Variants in MAPK14 observed in about 807,000 individuals in gnomAD.
MAPK14 encodes the protein mitogen-activated protein kinase 14.
Under a neutral mutation model 49.6 loss-of-function variants are expected in MAPK14, and 16 were observed. That is an observed-to-expected ratio of 0.32 (90% confidence interval 0.22 to 0.49). The LOEUF (loss-of-function observed/expected upper bound fraction) is 0.49, where lower values mean the gene tolerates loss of function less well. MAPK14 is among the 20% of genes least tolerant of loss of function. The probability of loss-of-function intolerance (pLI) is 0.99; values close to 1 mark genes in which losing one functional copy is unlikely to be tolerated. For missense variants in MAPK14, 200 were observed against 441.2 expected, an observed-to-expected ratio of 0.45 and a Z score of 4.90; for synonymous variants, 142 against 158.0, an observed-to-expected ratio of 0.90 and a Z score of 0.76.
intron 7 of MAPK14, 39 bp from the exon 8 acceptor site, chr6:36,076,498 G>A: frequency 7.1e-7 from 1 of 1,414,086 alleles, no homozygotes; most frequent in Non-Finnish European, 1.0e-6. Flanking sequence ...TTGTAACAGT[G>A]ACATTGCATA....
In MAPK14 at chr6:36,092,733, A is replaced by G. The variant is rs73409866; in HGVS notation, c.683-3254A>G. 603 of 282,060 alleles carry G rather than the reference A, an allele frequency of 2.1e-3. 4 individuals carry two copies. The highest frequency in any genetic ancestry group is 0.012 in the African/African-American group (548 of 44,348). 17.5% of individuals were successfully genotyped at this position (282,060 alleles called of 1,614,324 possible). On this transcript the variant is annotated intron_variant, in intron 8 of 11. Transcript: ENST00000229794. Reference sequence around the variant, plus strand: ...ACAAAGGGAAGAGGACAAAAGAACTACTGGAGGCAGCAGTGTCAGCATACG... The same window carrying G: ...ACAAAGGGAAGAGGACAAAAGAACTGCTGGAGGCAGCAGTGTCAGCATACG...
intron 8 of MAPK14, chr6:36,092,729 A>G: frequency 6.9e-6 from 2 of 287,996 alleles, no homozygotes; most frequent in East Asian, 9.9e-5. Context: ...AGGACAAAAG[A>G]ACTACTGGAG....
chr6:36,072,833 G>T, intron 3 of MAPK14, 40 bp from the exon 4 acceptor site: 1 of 1,082,938 alleles, frequency 9.2e-7, no homozygotes, highest in Non-Finnish European at 1.4e-6. Context: ...AACTTTCTTA[G>T]GGGTTCTAGA....
At chr6:36,033,341 G>T (rs757512677) in intron 1 of MAPK14, among the ~76,000 whole-genome samples, 12 of 150,890 alleles carry the variant, frequency 8.0e-5, no homozygotes, top group Non-Finnish European at 1.6e-4. Flanking sequence ...TTTTGAGACG[G>T]AGTCTTGCTG....
At chr6:36,119,664 T>A in the MAPK14 span, among the ~76,000 whole-genome samples, 2 of 152,164 alleles carry the variant, frequency 1.3e-5, no homozygotes, top group East Asian at 3.8e-4. Flanking sequence ...CAATAGGCAA[T>A]GTCTGGAGAC....
chr6:36,066,754 GTGTGTA>G (rs887898340), intron 3 of MAPK14, among the ~76,000 whole-genome samples: 3 of 151,900 alleles, frequency 2.0e-5, no homozygotes, highest in African/African-American at 7.3e-5. Context: ...GTGTGTGTGT[GTGTGTA>G]TGTGTGTATG....
In MAPK14 at chr6:36,028,796, T is replaced by A. The variant is rs1281482044; in HGVS notation, c.116+523T>A. 6.9e-6 allele frequency among the ~76,000 whole-genome samples: 1 copy of A among 144,906 alleles called. No homozygotes were observed. Among genetic ancestry groups the A allele is most frequent in the Admixed American group, 6.7e-5 (1 of 14,866 alleles). Reference sequence around the variant, plus strand: ...GAAGGGAGCTCTCTCCGGGCCTTTTTTTTTTTTTTTTTTTTTCAAAACTCT... The same window carrying A: ...GAAGGGAGCTCTCTCCGGGCCTTTTATTTTTTTTTTTTTTTTCAAAACTCT... On this transcript the variant is annotated intron_variant, in intron 1 of 11. Transcript: ENST00000229794. This position sits in a 1 kb window ranked among gnomAD's most constrained non-coding sequence, Gnocchi z 5.1.
At chr6:36,044,890 T>C (rs552901070) in intron 1 of MAPK14, among the ~76,000 whole-genome samples, 13 of 152,242 alleles carry the variant, frequency 8.5e-5, no homozygotes, top group African/African-American at 2.4e-4. Flanking sequence ...CCTGTACTTA[T>C]TGGGAGTCCA....
intron 1 of MAPK14, among the ~76,000 whole-genome samples, chr6:36,041,458 A>G (rs1468203897): frequency 6.6e-6 from 1 of 152,086 alleles, no homozygotes; most frequent in African/African-American, 2.4e-5. Flanking sequence ...GTACTTTCAA[A>G]CCTAATCTCA....
chr6:36,044,358 T>G (rs1196826789), intron 1 of MAPK14, among the ~76,000 whole-genome samples: 3 of 152,214 alleles, frequency 2.0e-5, no homozygotes, highest in African/African-American at 7.2e-5. Context: ...AAAACACAGA[T>G]TGTTTTTTGA....
At chr6:36,052,867 G>A (rs749343313) in intron 2 of MAPK14, 39 bp downstream of exon 2, 1 of 1,564,596 alleles carries the variant, frequency 6.4e-7, no homozygotes, top group Admixed American at 1.8e-5. Flanking sequence ...TTTTGATCTT[G>A]AATAGACTGG....
intron 1 of MAPK14, among the ~76,000 whole-genome samples, chr6:36,037,027 C>T (rs1050027787): frequency 8.5e-5 from 13 of 152,158 alleles, no homozygotes; most frequent in African/African-American, 2.7e-4. Context: ...TAGGTATGAG[C>T]CACTGTGCCC....
chr6:36,069,366 T>C (rs970860662), intron 3 of MAPK14, among the ~76,000 whole-genome samples: 1 of 152,210 alleles, frequency 6.6e-6, no homozygotes, highest in African/African-American at 2.4e-5. Context: ...TCCCCTGTTG[T>C]AAGACTTATT....
chr6:36,101,158 G>A (rs767126562), intron 9 of MAPK14, among the ~76,000 whole-genome samples: 18 of 152,186 alleles, frequency 1.2e-4, no homozygotes, highest in Non-Finnish European at 2.4e-4. Flanking sequence ...AGAAGCGGAA[G>A]GCTGGGTGTG....
At chr6:36,099,505 G>C (rs1429521292) in intron 9 of MAPK14, among the ~76,000 whole-genome samples, 1 of 152,202 alleles carries the variant, frequency 6.6e-6, no homozygotes, top group East Asian at 1.9e-4. Flanking sequence ...GAAGAGACTT[G>C]TGGAGGAAAT....
At chr6:36,073,889 A>C (rs748955149) in intron 5 of MAPK14, among the ~76,000 whole-genome samples, 160 bp from the exon 6 acceptor site, 8 of 152,150 alleles carry the variant, frequency 5.3e-5, no homozygotes, top group Non-Finnish European at 1.2e-4. Context: ...GTTTTTTTCT[A>C]TGTAAGGCTA....
intron 8 of MAPK14, among the ~76,000 whole-genome samples, chr6:36,079,766 T>C (rs188663623): frequency 1.3e-5 from 2 of 152,324 alleles, no homozygotes; most frequent in Admixed American, 1.3e-4. Context: ...ATATCTGTGC[T>C]ATCCAATGTG....
rs1309463315 is a variant in MAPK14, at chr6:36,107,954, T to C, written c.1015+326T>C. On this transcript the variant is annotated intron_variant, in intron 11 of 11. Coordinates refer to ENST00000229794, the MANE Select transcript of MAPK14 (RefSeq NM_139012.3). The surrounding 1 kb of genome is among the most constrained non-coding windows in gnomAD (Gnocchi z 4.3). ...AGAACTGGGGCAAAGAGAATTTATG[T>C]CTTATCAGTTAACTTAGAACTAGTT... is the stretch of plus-strand genomic sequence containing the variant. Among the ~76,000 whole-genome samples, 1 of 152,338 alleles carries C rather than the reference T, an allele frequency of 6.6e-6. No homozygotes were observed. The highest frequency in any genetic ancestry group is 1.9e-4 in the East Asian group (1 of 5,188).
intron 2 of MAPK14, among the ~76,000 whole-genome samples, chr6:36,053,116 A>T (rs1763467036): frequency 6.6e-6 from 1 of 151,402 alleles, no homozygotes; most frequent in Admixed American, 6.6e-5. Context: ...ATTCACAATA[A>T]TTTTTAAGAG....
Sources: gnomAD v4.1 joint callset for allele counts (sites outside exome capture counted in the v4.1 genomes callset) on GRCh38, gnomAD v4.1.1 for gene constraint, Gnocchi (gnomAD v3.1) non-coding constraint, MANE v1.5 for transcripts, NCBI Gene and HGNC (gene_info 2026-07-23, HGNC 2026-07-21) for gene names.